Variants in PDE4D observed in about 807,000 individuals in gnomAD.
PDE4D encodes 3',5'-cyclic-AMP phosphodiesterase 4D.
A neutral mutation model predicts 87.4 loss-of-function variants in PDE4D; 24 were observed. The observed-to-expected ratio is 0.27, with a 90% confidence interval of 0.20 to 0.39. The LOEUF is 0.39. Among genes scored for constraint, PDE4D ranks in the 10% least tolerant of loss-of-function variants. The pLI is 1.00. For missense variants in PDE4D, 714 were observed against 1,041.0 expected, an observed-to-expected ratio of 0.69 and a Z score of 4.32; for synonymous variants, 384 against 383.2, an observed-to-expected ratio of 1.00 and a Z score of -0.02.
chr5:59,343,581 C>T (rs1416082157), intron 1 of PDE4D, among the ~76,000 whole-genome samples: 2 of 152,154 alleles, frequency 1.3e-5, no homozygotes, highest in African/African-American at 2.4e-5. Context: ...ACTCAATATA[C>T]ATTTGTTGGA....
At chr5:59,290,057 A>G (rs1181506215) in intron 1 of PDE4D, among the ~76,000 whole-genome samples, 2 of 152,068 alleles carry the variant, frequency 1.3e-5, no homozygotes, top group Non-Finnish European at 2.9e-5. Flanking sequence ...ACATTCATGA[A>G]TTGGAAGGAT....
rs183920679 is a variant in PDE4D at position 60,218,509 on chromosome 5, T to G, written c.-89-32822A>C. 2.6e-3 allele frequency among the ~76,000 whole-genome samples: 383 copies of G among 144,664 alleles called. 1 individual carries two copies. Among genetic ancestry groups the G allele is most frequent in the African/African-American group, 8.5e-3 (345 of 40,606 alleles). 94.9% of individuals were successfully genotyped at this position (144,664 alleles called of 152,430 possible). On this transcript the variant is annotated intron_variant, in intron 1 of 16. Transcript: ENST00000502484. ...TCCTATCTGTGTATTATACCTCACT[T>G]AAGGAAAAAAAAGAATAAATTTTAA...
intron 1 of PDE4D, among the ~76,000 whole-genome samples, chr5:60,480,306 A>G (rs1013729371): frequency 3.9e-5 from 6 of 152,188 alleles, no homozygotes; most frequent in Non-Finnish European, 8.8e-5. Flanking sequence ...TCCCCAAATA[A>G]TAATAAGATG....
At chr5:59,307,874 G>T (rs1367403080) in intron 1 of PDE4D, among the ~76,000 whole-genome samples, 2 of 151,906 alleles carry the variant, frequency 1.3e-5, no homozygotes, top group African/African-American at 2.4e-5. Flanking sequence ...TATACCCAAA[G>T]GACTATAAAT....
intron 1 of PDE4D, among the ~76,000 whole-genome samples, chr5:60,301,348 T>G (rs1753873425): frequency 6.6e-6 from 1 of 152,246 alleles, no homozygotes; most frequent in African/African-American, 2.4e-5. Context: ...TCCATGAGCA[T>G]GAAATGTTGT....
intron 1 of PDE4D, among the ~76,000 whole-genome samples, chr5:59,657,546 C>A (rs538799552): frequency 6.6e-6 from 1 of 152,250 alleles, no homozygotes; most frequent in African/African-American, 2.4e-5. Flanking sequence ...CTGCATATTT[C>A]CCTGTAAGCT....
In PDE4D at chr5:60,456,650, T is replaced by C. The variant is rs147100286; in HGVS notation, c.-90+31292A>G. 1.6e-3 allele frequency among the ~76,000 whole-genome samples: 250 copies of C among 152,292 alleles called. 1 individual carries two copies. Among genetic ancestry groups the C allele is most frequent in the Middle Eastern group, 3.4e-3 (1 of 294 alleles). On this transcript the variant is annotated intron_variant, in intron 1 of 16. Coordinates refer to the PDE4D transcript ENST00000502484. ...AGAATAAGCTAGCACAAAGAGAACC[T>C]TTACTCTCAGTGACCAAACAGAGAG...
chr5:59,975,974 C>T (rs1456544577), intron 3 of PDE4D, among the ~76,000 whole-genome samples: 1 of 152,096 alleles, frequency 6.6e-6, no homozygotes, highest in Non-Finnish European at 1.5e-5. Flanking sequence ...ATGAAACAAA[C>T]AAGATTATAG....
At chr5:59,884,018 A>G (rs187362142) in intron 1 of PDE4D, among the ~76,000 whole-genome samples, 111 of 152,266 alleles carry the variant, frequency 7.3e-4, no homozygotes, top group African/African-American at 2.5e-3. Flanking sequence ...GAGAAAATAC[A>G]TGATTTTTGC....
intron 1 of PDE4D, among the ~76,000 whole-genome samples, chr5:60,382,980 G>A (rs1219509164): frequency 6.6e-6 from 1 of 152,056 alleles, no homozygotes; most frequent in African/African-American, 2.4e-5. Flanking sequence ...CCCCATGTGT[G>A]CGCATGAAAA....
intron 5 of PDE4D, among the ~76,000 whole-genome samples, chr5:59,160,993 G>A (rs566435298): frequency 8.5e-5 from 13 of 152,270 alleles, no homozygotes; most frequent in African/African-American, 2.9e-4. Flanking sequence ...CTACTCAGGA[G>A]GCTGAGGCAG....
At chr5:59,635,437 A>G (rs1223562143) in intron 1 of PDE4D, among the ~76,000 whole-genome samples, 1 of 152,200 alleles carries the variant, frequency 6.6e-6, no homozygotes, top group Non-Finnish European at 1.5e-5. Flanking sequence ...CACAACAAAA[A>G]AAGAAAATCT....
intron 6 of PDE4D, among the ~76,000 whole-genome samples, chr5:58,998,594 TAGA>T (rs918091612): frequency 2.6e-5 from 4 of 152,206 alleles, no homozygotes; most frequent in African/African-American, 9.6e-5. Flanking sequence ...CTAATTTTTT[TAGA>T]ATTCAAGTAA....
chr5:60,246,405 C>T (rs1747785286), intron 1 of PDE4D, among the ~76,000 whole-genome samples: 1 of 151,876 alleles, frequency 6.6e-6, no homozygotes. Flanking sequence ...TGCTCTCCTT[C>T]TAGAAGGCCT....
chr5:59,899,468 C>CATGCTTAAGTGGTAAATATATATATAT (rs1354077060), intron 3 of PDE4D, among the ~76,000 whole-genome samples: 1 of 150,750 alleles, frequency 6.6e-6, no homozygotes, highest in Non-Finnish European at 1.5e-5. Flanking sequence ...TATACATATG[C>CATGCTTAAGTGGTAAATATATATATAT]ATGCTTAAGT....
intron 1 of PDE4D, among the ~76,000 whole-genome samples, chr5:59,619,990 G>C (rs959575954): frequency 1.4e-4 from 22 of 152,128 alleles, no homozygotes; most frequent in African/African-American, 4.6e-4. Context: ...TAAAGACTTA[G>C]TCCATGGCTA....
intron 1 of PDE4D, among the ~76,000 whole-genome samples, chr5:59,876,037 T>C (rs561434825): frequency 1.3e-5 from 2 of 152,188 alleles, no homozygotes; most frequent in East Asian, 3.9e-4. Flanking sequence ...GGTGATGAAA[T>C]AATCGCTACA....
At chr5:59,456,684 C>T (rs1462859292) in intron 1 of PDE4D, among the ~76,000 whole-genome samples, 1 of 152,092 alleles carries the variant, frequency 6.6e-6, no homozygotes, top group Non-Finnish European at 1.5e-5. Context: ...AATTAAAAAT[C>T]TGGATAGGAG....
At chr5:59,667,083 G>A (rs1404423769) in intron 1 of PDE4D, among the ~76,000 whole-genome samples, 1 of 152,116 alleles carries the variant, frequency 6.6e-6, no homozygotes, top group African/African-American at 2.4e-5. Context: ...TCTATGAAAT[G>A]GACAATGTGG....
Sources: allele counts gnomAD v4.1 joint callset (sites outside exome capture counted in the v4.1 genomes callset), GRCh38; gene constraint gnomAD v4.1.1; transcripts MANE v1.5; gene names NCBI Gene and HGNC (gene_info 2026-07-23, HGNC 2026-07-21).